Variants in CHODL observed in about 807,000 individuals in gnomAD.
The protein encoded by CHODL is transmembrane protein MT75.
CHODL carries 29 observed loss-of-function variants against 34.5 expected under a neutral mutation model. The observed-to-expected ratio is 0.84, with a 90% CI of 0.63 to 1.15. The LOEUF is 1.15. Among genes scored for constraint, CHODL ranks in the 50% most tolerant of loss-of-function variants. CHODL has a pLI of 0.00. For missense variants in CHODL, 332 were observed against 332.5 expected (o/e 1.00, Z 0.01); for synonymous variants, 125 against 116.1 (o/e 1.08, Z -0.49).
intron 3 of CHODL, among the ~76,000 whole-genome samples, chr21:18,257,974 TG>T (rs1159084899): frequency 6.6e-6 from 1 of 152,186 alleles, no homozygotes; most frequent in African/African-American, 2.4e-5. Context: ...CCTCAGTGTT[TG>T]GAAGTGTCAT....
chr21:18,189,720 C>T lies in CHODL; in HGVS notation c.-44-66789C>T, dbSNP rs138868596. Among the ~76,000 whole-genome samples, 563 of 150,996 alleles carry T rather than the reference C, an allele frequency of 3.7e-3. 1 individual carries two copies. The highest frequency in any genetic ancestry group is 0.012 in the African/African-American group (493 of 41,174). ...TGCGATCTCAGCTCACTGCAACCTC[C>T]GCCTCCCTGGTTCAAGCGATTCTCC... On this transcript the variant is annotated intron_variant, in intron 2 of 6. Coordinates refer to the CHODL transcript ENST00000400127.
intron 2 of CHODL, among the ~76,000 whole-genome samples, chr21:18,063,269 C>T (rs1381357344): frequency 6.6e-6 from 1 of 152,070 alleles, no homozygotes; most frequent in African/African-American, 2.4e-5. Flanking sequence ...GAAAAGAATA[C>T]AGAAAAAATG....
chr21:18,038,950 A>G (rs1157736345), intron 2 of CHODL, among the ~76,000 whole-genome samples: 1 of 151,712 alleles, frequency 6.6e-6, no homozygotes, highest in Non-Finnish European at 1.5e-5. Context: ...ATATGATCCC[A>G]GATATGTAAA....
At chr21:17,930,229 C>T (rs774910254) in intron 1 of CHODL, among the ~76,000 whole-genome samples, 5 of 152,086 alleles carry the variant, frequency 3.3e-5, no homozygotes, top group African/African-American at 4.8e-5. Context: ...TTTCACTGCT[C>T]TCACTGAGCA....
intron 2 of CHODL, among the ~76,000 whole-genome samples, chr21:18,073,368 C>T (rs769633311): frequency 6.6e-6 from 1 of 152,076 alleles, no homozygotes; most frequent in Non-Finnish European, 1.5e-5. Context: ...AGATTTCAGA[C>T]TGTAGTTTTA....
intron 2 of CHODL, among the ~76,000 whole-genome samples, chr21:18,143,255 G>A (rs1316284058): frequency 6.6e-6 from 1 of 152,136 alleles, no homozygotes; most frequent in Non-Finnish European, 1.5e-5. Flanking sequence ...TAAGAAGTAG[G>A]AACACTATAA....
intron 2 of CHODL, among the ~76,000 whole-genome samples, chr21:18,064,651 T>C (rs78002140): frequency 0.022 from 3,285 of 152,230 alleles, 99 homozygotes; most frequent in African/African-American, 0.073. Context: ...CCTGGAACCA[T>C]ACCATCCATG....
chr21:17,956,508 A>G (rs2063495091), intron 1 of CHODL, among the ~76,000 whole-genome samples: 2 of 136,884 alleles, frequency 1.5e-5, no homozygotes. Context: ...TCCAATCTTT[A>G]TATCAGTTTC....
chr21:18,128,233 G>T (rs573121451), intron 2 of CHODL, among the ~76,000 whole-genome samples: 1 of 143,452 alleles, frequency 7.0e-6, no homozygotes, highest in East Asian at 2.1e-4. Context: ...CCTGGGAGGT[G>T]GAGCTTGCAG....
upstream of CHODL, among the ~76,000 whole-genome samples, chr21:18,244,612 G>A (rs1311881832): frequency 2.0e-5 from 3 of 152,202 alleles, no homozygotes; most frequent in South Asian, 4.1e-4. Context: ...TACACAAAGA[G>A]TATCCAGTCC....
intron 1 of CHODL, among the ~76,000 whole-genome samples, chr21:18,013,857 A>T (rs2064045110): frequency 6.6e-6 from 1 of 150,390 alleles, no homozygotes; most frequent in Admixed American, 6.6e-5. Context: ...CTGGTCTCGA[A>T]CTCCTGACCT....
At position 18,117,556 on chromosome 21, in the gene CHODL, A is replaced by G. The variant is rs973216171; in HGVS notation, c.-45+89585A>G. ...CAGTATTTTACTCATTCATAAAAAA[A>G]TTACTCCCTTCACCCCTAGGAAATA... On this transcript the variant is annotated intron_variant, in intron 2 of 6. Coordinates refer to the CHODL transcript ENST00000400127. Among the ~76,000 whole-genome samples the G allele has an allele frequency of 4.6e-5, 7 of 152,028 alleles. No homozygotes were observed. In the South Asian group the frequency reaches 1.5e-3, roughly 32 times the overall value.
intron 2 of CHODL, among the ~76,000 whole-genome samples, chr21:18,076,190 T>C (rs552880231): frequency 1.3e-5 from 2 of 152,192 alleles, no homozygotes; most frequent in South Asian, 4.1e-4. Flanking sequence ...GGATAATGGA[T>C]AGAGATTGGA....
At chr21:18,150,468 G>A (rs950566794) in intron 2 of CHODL, among the ~76,000 whole-genome samples, 1 of 152,074 alleles carries the variant, frequency 6.6e-6, no homozygotes. Context: ...GTACAGTTCC[G>A]GAGGCCGGTA....
At chr21:18,030,536 A>G (rs2064235721) in intron 2 of CHODL, among the ~76,000 whole-genome samples, 2 of 152,172 alleles carry the variant, frequency 1.3e-5, no homozygotes, top group Admixed American at 1.3e-4. Context: ...ATTGTTAAGC[A>G]TTGGATAATC....
At chr21:18,193,115 T>C (rs182440766) in intron 2 of CHODL, among the ~76,000 whole-genome samples, 1 of 152,296 alleles carries the variant, frequency 6.6e-6, no homozygotes, top group East Asian at 1.9e-4. Context: ...TTTCTTTGGC[T>C]AAATACTGAC....
chr21:18,170,128 T>C (rs997354536), intron 2 of CHODL, among the ~76,000 whole-genome samples: 3 of 152,070 alleles, frequency 2.0e-5, no homozygotes, highest in Admixed American at 6.5e-5. Context: ...ATGTATATTT[T>C]CATTTTTTTA....
At chr21:18,090,460 A>G (rs1856830754) in intron 2 of CHODL, among the ~76,000 whole-genome samples, 1 of 152,128 alleles carries the variant, frequency 6.6e-6, no homozygotes, top group South Asian at 2.1e-4. Flanking sequence ...GAACAGGATA[A>G]CCATGTCCTA....
rs938802119 is a variant in CHODL at position 18,245,889 on chromosome 21, A to C, written c.79+587A>C. 2.2e-4 allele frequency: 336 copies of C among 1,535,226 alleles called. 1 individual carries two copies. The highest frequency in any genetic ancestry group is 2.6e-5 in the Non-Finnish European group (30 of 1,146,566). ...GCCTTTCCTTTGCACACTGCGTTCC[A>C]AGTTGGGGACTTCCCAGAAAATGAA... On this transcript the variant is annotated intron_variant, in intron 1 of 5. Coordinates refer to ENST00000299295, the MANE Select transcript of CHODL (RefSeq NM_024944.3).
Sources: allele counts gnomAD v4.1 joint callset (sites outside exome capture counted in the v4.1 genomes callset), GRCh38; gene constraint gnomAD v4.1.1; transcripts MANE v1.5; gene names NCBI Gene and HGNC (gene_info 2026-07-23, HGNC 2026-07-21).